VAV3: variants seen among roughly 807,000 people sequenced by gnomAD.
VAV3 encodes guanine nucleotide exchange factor VAV3.
Under a neutral mutation model 131.2 loss-of-function variants are expected in VAV3, and 94 were observed. That is an observed-to-expected ratio of 0.72 (90% CI 0.61 to 0.85). The LOEUF is 0.85. Among genes scored for constraint, VAV3 ranks in the 40% least tolerant of loss-of-function variants. The pLI, the probability that VAV3 is intolerant of heterozygous loss-of-function variation, is 0.00. For missense variants in VAV3, 939 were observed against 1,002.7 expected (o/e 0.94, Z 0.86); for synonymous variants, 349 against 342.0 (o/e 1.02, Z -0.22).
intron 12 of VAV3, among the ~76,000 whole-genome samples, chr1:107,754,294 G>A (rs1478613401): frequency 6.6e-6 from 1 of 152,160 alleles, no homozygotes; most frequent in Non-Finnish European, 1.5e-5. Context: ...ACTATATGAA[G>A]AGATGATGAG....
At chr1:107,727,923 G>C (rs1017792696) in intron 15 of VAV3, among the ~76,000 whole-genome samples, 1 of 152,118 alleles carries the variant, frequency 6.6e-6, no homozygotes, top group Non-Finnish European at 1.5e-5. Flanking sequence ...GCTGGACTGT[G>C]CGACACATTA....
chr1:107,926,007 G>A (rs1571150054), intron 1 of VAV3, among the ~76,000 whole-genome samples: 1 of 151,766 alleles, frequency 6.6e-6, no homozygotes, highest in Non-Finnish European at 1.5e-5. Flanking sequence ...AAGGGGCCAG[G>A]TGCGGTGGCT....
In VAV3 at chr1:107,681,917, C is replaced by T. The variant is rs541846426; in HGVS notation, c.1777+1571G>A. ...CCTCGTGATCCGCCGGCCTTGACCTCCCAAAGTGCTGGGATTACAGGCGTG... is the reference window on the plus strand; with the variant it reads ...CCTCGTGATCCGCCGGCCTTGACCTTCCAAAGTGCTGGGATTACAGGCGTG... On this transcript the variant is annotated intron_variant, in intron 19 of 26. Transcript: ENST00000370056. Among the ~76,000 whole-genome samples, 604 of 152,284 alleles carry T rather than the reference C, an allele frequency of 4.0e-3. 2 individuals carry two copies. The highest frequency in any genetic ancestry group is 6.5e-3 in the Non-Finnish European group (443 of 68,026).
intron 1 of VAV3, among the ~76,000 whole-genome samples, chr1:107,926,408 C>T (rs962164433): frequency 6.6e-6 from 1 of 152,208 alleles, no homozygotes; most frequent in African/African-American, 2.4e-5. Context: ...TAGAAGGCTA[C>T]ACCAATTGTC....
At chr1:107,743,322 G>C (rs1444530203) in intron 15 of VAV3, among the ~76,000 whole-genome samples, 1 of 152,154 alleles carries the variant, frequency 6.6e-6, no homozygotes, top group Non-Finnish European at 1.5e-5. Context: ...GGTGGCAAGG[G>C]AGAGTTCAGG....
chr1:107,926,127 C>A (rs1180825920), intron 1 of VAV3, among the ~76,000 whole-genome samples: 2 of 151,792 alleles, frequency 1.3e-5, no homozygotes, highest in African/African-American at 2.4e-5. Flanking sequence ...TAAAAAAATA[C>A]AAAAATTAGC....
At chr1:107,888,280 T>A (rs1179796279) in intron 1 of VAV3, among the ~76,000 whole-genome samples, 1 of 152,128 alleles carries the variant, frequency 6.6e-6, no homozygotes, top group Non-Finnish European at 1.5e-5. Flanking sequence ...CCTATATAAT[T>A]TCTATGTAGC....
intron 24 of VAV3, among the ~76,000 whole-genome samples, chr1:107,600,717 C>T (rs888742675): frequency 1.3e-5 from 2 of 152,122 alleles, no homozygotes. Flanking sequence ...CTATGTCTAC[C>T]AATCCAGGTC....
At chr1:107,943,434 C>T (rs536866129) in intron 1 of VAV3, among the ~76,000 whole-genome samples, 2 of 152,292 alleles carry the variant, frequency 1.3e-5, no homozygotes, top group East Asian at 1.9e-4. Context: ...ATTTCCTTGG[C>T]TTGTCTCTCA....
intron 25 of VAV3, chr1:107,578,739 G>A (rs1316071597): frequency 2.0e-6 from 2 of 984,256 alleles, no homozygotes; most frequent in Non-Finnish European, 2.4e-6. Context: ...CTCCCGAGTA[G>A]CTGGGACTGT....
rs1665118011 is a variant in VAV3, at chr1:107,772,728, G to T, written c.555+7C>A. Reference sequence around the variant, plus strand: ...AGAGTAACTTTAAAAACAAGTAAAAGTCCTACGGGCTGATGTGCTTCCTCT... The same window carrying T: ...AGAGTAACTTTAAAAACAAGTAAAATTCCTACGGGCTGATGTGCTTCCTCT... On this transcript the variant is annotated splice_region_variant and intron_variant, in intron 5 of 26. Transcript: ENST00000370056. The T allele has an allele frequency of 6.2e-7, 1 of 1,605,002 alleles. No individual in the cohort carries two copies. Among genetic ancestry groups the T allele is most frequent in the Non-Finnish European group, 8.5e-7 (1 of 1,175,260 alleles).
intron 1 of VAV3, among the ~76,000 whole-genome samples, chr1:107,936,181 AT>A (rs1673702767): frequency 6.6e-6 from 1 of 152,132 alleles, no homozygotes; most frequent in East Asian, 1.9e-4. Context: ...TACACCCACA[AT>A]TTTTTTTAGT....
At chr1:107,954,764 T>TGGGGGCCGG (rs374683501) in intron 1 of VAV3, among the ~76,000 whole-genome samples, 1 of 133,068 alleles carries the variant, frequency 7.5e-6, no homozygotes, top group Admixed American at 7.1e-5. Context: ...GAAAATACCA[T>TGGGGGCCGG]GGGAGGGGGG....
intron 1 of VAV3, among the ~76,000 whole-genome samples, chr1:107,952,468 TTA>T (rs1161088981): frequency 1.7e-5 from 2 of 118,990 alleles, no homozygotes; most frequent in African/African-American, 7.1e-5. Context: ...TAACAAAACT[TTA>T]TATATATATA....
intron 22 of VAV3, among the ~76,000 whole-genome samples, chr1:107,606,459 G>A (rs541809102): frequency 1.1e-3 from 173 of 152,112 alleles, no homozygotes; most frequent in African/African-American, 4.1e-3. Flanking sequence ...TCAATTTGGA[G>A]CCACATGTCC....
In VAV3 at chr1:107,688,938, A is replaced by T. The variant is rs1192629552; in HGVS notation, c.1706-532T>A. 4.0e-5 allele frequency among the ~76,000 whole-genome samples: 6 copies of T among 151,706 alleles called. No homozygotes were observed. In the South Asian group the frequency reaches 1.0e-3, roughly 26 times the overall value. Reference sequence around the variant, plus strand: ...ACAGTTTGAGTTAAAGATGGAACTTAAAAAAAAACTGAGTCAGGATTGATT... The same window carrying T: ...ACAGTTTGAGTTAAAGATGGAACTTTAAAAAAAACTGAGTCAGGATTGATT... On this transcript the variant is annotated intron_variant, in intron 17 of 26. Coordinates refer to ENST00000370056, the MANE Select transcript of VAV3 (RefSeq NM_006113.5).
In VAV3 at chr1:107,779,494, T is replaced by C. The variant is rs1312701939; in HGVS notation, c.322-2A>G. The stretch of plus-strand genomic sequence containing the variant: ...AAGTCGTGATAATGTTTCTATAACC[T>C]GAGAAAAGAGGAAAATACTAATTAG... On this transcript the variant is annotated splice_acceptor_variant, in intron 2 of 26. Transcript: ENST00000370056. LOFTEE classifies it high-confidence loss of function. 6.3e-7 allele frequency: 1 copy of C among 1,575,448 alleles called. No homozygotes were observed. Among genetic ancestry groups the C allele is most frequent in the African/African-American group, 1.4e-5 (1 of 73,406 alleles).
intron 1 of VAV3, among the ~76,000 whole-genome samples, chr1:107,877,233 T>C (rs1273577522): frequency 1.3e-5 from 2 of 152,340 alleles, no homozygotes; most frequent in African/African-American, 4.8e-5. Flanking sequence ...CTCTTCCACA[T>C]AGAATTGCTT....
intron 2 of VAV3, among the ~76,000 whole-genome samples, chr1:107,848,952 T>C (rs1368517066): frequency 6.6e-6 from 1 of 152,150 alleles, no homozygotes; most frequent in African/African-American, 2.4e-5. Flanking sequence ...AGACAAATCA[T>C]AAGTGAACTT....
Sources: allele counts gnomAD v4.1 joint callset (sites outside exome capture counted in the v4.1 genomes callset), GRCh38; gene constraint gnomAD v4.1.1; transcripts MANE v1.5; gene names NCBI Gene and HGNC (gene_info 2026-07-23, HGNC 2026-07-21).